ZPBP: variants seen among roughly 807,000 people sequenced by gnomAD.
ZPBP encodes the protein zona pellucida binding protein.
In ZPBP, 26 loss-of-function variants were observed where a neutral mutation model predicts 44.8. The observed-to-expected ratio is 0.58, with a 90% CI of 0.43 to 0.81. The LOEUF is 0.81. Ranked by LOEUF, ZPBP falls within the 30% of genes least tolerant of loss-of-function variation. ZPBP has a pLI of 0.00. For missense variants in ZPBP, 409 were observed against 434.0 expected, an observed-to-expected ratio of 0.94 and a Z score of 0.51; for synonymous variants, 174 against 153.2, an observed-to-expected ratio of 1.14 and a Z score of -1.00.
At chr7:50,000,185 T>G (rs1045004162) in intron 6 of ZPBP, among the ~76,000 whole-genome samples, 1 of 152,238 alleles carries the variant, frequency 6.6e-6, no homozygotes, top group Admixed American at 6.5e-5. Context: ...AAAATACATA[T>G]TTGAATTTTA....
intron 2 of ZPBP, among the ~76,000 whole-genome samples, chr7:49,862,645 T>C (rs1265714386): frequency 6.6e-6 from 1 of 151,652 alleles, no homozygotes; most frequent in Non-Finnish European, 1.5e-5. Context: ...CTCTTCCTAC[T>C]TTGATGTGTT....
chr7:50,021,392 A>G (rs1562850952), intron 5 of ZPBP, among the ~76,000 whole-genome samples: 1 of 152,116 alleles, frequency 6.6e-6, no homozygotes, highest in African/African-American at 2.4e-5. Context: ...GAAATGAGGA[A>G]TTCACTAAAC....
rs894072014 is a variant in ZPBP at position 50,004,237 on chromosome 7, CT to C, written c.783+14002del. ...TTTGCTTGCTGAGTCCTCTAGCTCT[CT>C]TTTTTTTTTCTTCCCATGCCAGATG... On this transcript the variant is annotated intron_variant, in intron 6 of 7. Transcript: ENST00000046087. 8.7e-5 allele frequency among the ~76,000 whole-genome samples: 13 copies of C among 150,204 alleles called. No individual in the cohort carries two copies. The South Asian group carries it at 1.7e-3, about 20-fold the overall frequency.
chr7:49,924,163 C>T (rs1032370898), intron 1 of ZPBP, among the ~76,000 whole-genome samples: 26 of 147,170 alleles, frequency 1.8e-4, no homozygotes, highest in Non-Finnish European at 2.4e-4. Context: ...ATAATAACAA[C>T]GTTATAAAAT....
At chr7:49,897,666 C>T (rs951755904) in intron 2 of ZPBP, among the ~76,000 whole-genome samples, 2 of 152,198 alleles carry the variant, frequency 1.3e-5, no homozygotes, top group African/African-American at 4.8e-5. Flanking sequence ...TAGGCAAATA[C>T]AGAAAATCAC....
intron 6 of ZPBP, among the ~76,000 whole-genome samples, chr7:50,003,517 C>T (rs1300319466): frequency 2.0e-5 from 3 of 152,178 alleles, no homozygotes; most frequent in African/African-American, 7.2e-5. Flanking sequence ...GTGGAATGTG[C>T]TTACAGCATT....
chr7:50,057,770 G>A (rs962159173), intron 4 of ZPBP, among the ~76,000 whole-genome samples: 1 of 152,200 alleles, frequency 6.6e-6, no homozygotes, highest in Non-Finnish European at 1.5e-5. Flanking sequence ...GTGTGTACAT[G>A]TCAACATTCC....
intron 6 of ZPBP, among the ~76,000 whole-genome samples, chr7:49,984,845 A>T (rs1374323705): frequency 1.3e-5 from 2 of 152,156 alleles, no homozygotes; most frequent in Admixed American, 6.5e-5. Context: ...ATATATGCAA[A>T]TACAGCAGGT....
chr7:49,919,674 A>G (rs1793919955), intron 1 of ZPBP: 1 of 152,286 alleles, frequency 6.6e-6, no homozygotes, highest in African/African-American at 2.4e-5. Context: ...TTCTTAAAAC[A>G]AAAACAAAGA....
At position 50,022,574 on chromosome 7, in the gene ZPBP, A is replaced by C. The variant is rs568250939; in HGVS notation, c.707-4258T>G. ...TAAACGGTATTCTATAAATAATGAAACACAAAAGAAGGTAGTAACAGGGAC... is the reference window on the plus strand; with the variant it reads ...TAAACGGTATTCTATAAATAATGAACCACAAAAGAAGGTAGTAACAGGGAC... On this transcript the variant is annotated intron_variant, in intron 5 of 7. Transcript: ENST00000046087. 4.6e-5 allele frequency among the ~76,000 whole-genome samples: 7 copies of C among 152,236 alleles called. No individual in the cohort carries two copies. The East Asian group carries it at 1.3e-3, about 29-fold the overall frequency.
intron 7 of ZPBP, among the ~76,000 whole-genome samples, chr7:49,980,866 AT>A (rs1253781406): frequency 1.3e-5 from 2 of 151,962 alleles, no homozygotes; most frequent in Non-Finnish European, 2.9e-5. Context: ...TCATTAAGTC[AT>A]TTCTAATTGT....
At position 50,087,557 on chromosome 7, in the gene ZPBP, A is replaced by T. The variant is rs116425749; in HGVS notation, c.208+2072T>A. 8.1e-3 allele frequency among the ~76,000 whole-genome samples: 1,226 copies of T among 152,152 alleles called. 18 individuals are homozygous for T. Among genetic ancestry groups the T allele is most frequent in the South Asian group, 0.068 (327 of 4,830 alleles). On this transcript the variant is annotated intron_variant, in intron 2 of 7. Coordinates refer to ENST00000046087, the MANE Select transcript of ZPBP (RefSeq NM_007009.3). ...ACAAAAAACTCACAGATAACATCAT[A>T]CTTAAGGGTGAAAACTTATATCGGT...
At position 49,867,826 on chromosome 7, in the gene ZPBP, T is replaced by A. The variant is rs1790969656; in HGVS notation, n.510-17312A>T. On this transcript the variant is annotated intron_variant and non_coding_transcript_variant, in intron 2 of 2. Coordinates refer to the ZPBP transcript ENST00000465922. ...GAAAGTTACATTATTTTCTATTTTT[T>A]ATTTTATTATTTTATTTTATTTTTT... 3.9e-5 allele frequency among the ~76,000 whole-genome samples: 4 copies of A among 101,650 alleles called. No homozygotes were observed. The South Asian group carries it at 1.2e-3, about 30-fold the overall frequency. The allele number at this position is 101,650 out of a possible 152,430, so 66.7% of individuals were successfully genotyped here. A position where few individuals can be genotyped will look rare whatever the true frequency, so the allele number is the denominator to read the frequency against.
intron 2 of ZPBP, among the ~76,000 whole-genome samples, chr7:49,870,956 A>G (rs1246404999): frequency 1.3e-5 from 2 of 152,230 alleles, no homozygotes; most frequent in Non-Finnish European, 2.9e-5. Context: ...CTCTCTTAGA[A>G]GAAGACCCCT....
At position 49,979,136 on chromosome 7, in the gene ZPBP, A is replaced by G. The variant is rs189137177; in HGVS notation, c.961+4206T>C. ...CATAAACTTGATGCTCATTCATGCT[A>G]TTGCTTGGATGGTACTTGCTATCCT... On this transcript the variant is annotated intron_variant, in intron 7 of 7. Transcript: ENST00000046087. Among the ~76,000 whole-genome samples the G allele has an allele frequency of 1.5e-3, 226 of 152,114 alleles. 1 individual carries two copies. Among genetic ancestry groups the G allele is most frequent in the Non-Finnish European group, 7.8e-4 (53 of 67,956 alleles).
At chr7:49,906,051 A>G (rs189822508) in intron 1 of ZPBP, among the ~76,000 whole-genome samples, 135 of 152,348 alleles carry the variant, frequency 8.9e-4, no homozygotes, top group African/African-American at 2.8e-3. Flanking sequence ...TGTTTAGCAT[A>G]TAATCAAGAA....
chr7:50,078,540 TA>T lies in ZPBP; in HGVS notation c.334+3233del, dbSNP rs1241914321. The stretch of plus-strand genomic sequence containing the variant: ...TATACACCTACTATGTACCTAAAAT[TA>T]AAAAAAAATAATATTCTTAAGAAAA... On this transcript the variant is annotated intron_variant, in intron 3 of 7. Transcript: ENST00000046087. Among the ~76,000 whole-genome samples, 7 of 148,816 alleles carry T rather than the reference TA, an allele frequency of 4.7e-5. No individual in the cohort carries two copies. In the East Asian group the frequency reaches 5.9e-4, roughly 12 times the overall value.
intron 4 of ZPBP, among the ~76,000 whole-genome samples, chr7:50,033,022 G>T (rs1799671391): frequency 6.6e-6 from 1 of 151,970 alleles, no homozygotes; most frequent in African/African-American, 2.4e-5. Flanking sequence ...GGACTGAACT[G>T]ATGTAGGACT....
At chr7:50,070,288 G>T (rs979687877) in intron 3 of ZPBP, among the ~76,000 whole-genome samples, 2 of 152,120 alleles carry the variant, frequency 1.3e-5, no homozygotes, top group African/African-American at 4.8e-5. Flanking sequence ...TTGGATTAGT[G>T]GTTGGTACCC....
Sources: allele counts gnomAD v4.1 joint callset (sites outside exome capture counted in the v4.1 genomes callset), GRCh38; gene constraint gnomAD v4.1.1; transcripts MANE v1.5; gene names NCBI Gene and HGNC (gene_info 2026-07-23, HGNC 2026-07-21).